Variants in UQCRB observed in about 807,000 individuals in gnomAD.
The protein encoded by UQCRB is ubiquinol-cytochrome c reductase binding protein.
A neutral mutation model predicts 19.8 loss-of-function variants in UQCRB; 12 were observed. The ratio of observed to expected loss-of-function variants is 0.61; its 90% CI spans 0.39 to 0.98. UQCRB has a LOEUF of 0.98. UQCRB is among the 50% of genes least tolerant of loss of function. The pLI, the probability that UQCRB is intolerant of heterozygous loss-of-function variation, is 0.00. For missense variants in UQCRB, 142 were observed against 131.8 expected (o/e 1.08, Z -0.38); for synonymous variants, 39 against 42.9 (o/e 0.91, Z 0.35).
chr8:96,231,515 C>G (rs1187015869), intron 3 of UQCRB: 17 of 1,527,604 alleles, frequency 1.1e-5, no homozygotes, highest in Non-Finnish European at 1.5e-5. Context: ...ACAGCAAAGA[C>G]CTGGGAGGCA....
intron 2 of UQCRB, chr8:96,232,142 T>C: frequency 6.7e-6 from 4 of 598,838 alleles, no homozygotes; most frequent in Non-Finnish European, 1.2e-5. Flanking sequence ...TTAAAAGTAA[T>C]GAGTTATTAC....
In UQCRB at chr8:96,229,179, A is replaced by G. The variant is rs750993505; in HGVS notation, c.*1876T>C. Reference sequence around the variant, plus strand: ...ATCTGGAAACATAGAATAGGCATACACTTTGGCTTTAGGAAGAACTCTTAC... The same window carrying G: ...ATCTGGAAACATAGAATAGGCATACGCTTTGGCTTTAGGAAGAACTCTTAC... On this transcript the variant is annotated 3_prime_UTR_variant, in exon 4 of 4. Coordinates refer to ENST00000287022, the MANE Select transcript of UQCRB (RefSeq NM_006294.5). 2 of 454,126 alleles carry G rather than the reference A, an allele frequency of 4.4e-6. No homozygotes were observed. Among genetic ancestry groups the G allele is most frequent in the South Asian group, 3.1e-5 (2 of 64,470 alleles). 28.1% of individuals were successfully genotyped at this position (454,126 alleles called of 1,614,324 possible).
At position 96,226,579 on chromosome 8, in the gene UQCRB, T is replaced by A. The variant is rs1258729978; in HGVS notation, c.*4476A>T. ...GACTCCTTTGTAAAACAAATAATTATCTTTTTTTGGTTTGGCTTGTGAATA... is the reference window on the plus strand; with the variant it reads ...GACTCCTTTGTAAAACAAATAATTAACTTTTTTTGGTTTGGCTTGTGAATA... On this transcript the variant is annotated 3_prime_UTR_variant, in exon 4 of 4. Coordinates refer to ENST00000287022, the MANE Select transcript of UQCRB (RefSeq NM_006294.5). 1 of 234,254 alleles carries A rather than the reference T, an allele frequency of 4.3e-6. No individual in the cohort carries two copies. Among genetic ancestry groups the A allele is most frequent in the Non-Finnish European group, 8.5e-6 (1 of 117,618 alleles). The allele number at this position is 234,254 out of a possible 1,614,324, so 14.5% of individuals were successfully genotyped here.
At chr8:96,235,462 T>G (rs1357447224) in intron 1 of UQCRB, 50 bp downstream of exon 1, 1 of 1,613,920 alleles carries the variant, frequency 6.2e-7, no homozygotes, top group East Asian at 2.2e-5. Flanking sequence ...GCAGCAAAAA[T>G]AAACGGTGAA....
chr8:96,231,181 C>T (rs1809663737), intron 3 of UQCRB, 49 bp from the exon 4 acceptor site: 2 of 1,613,926 alleles, frequency 1.2e-6, no homozygotes, highest in Non-Finnish European at 1.7e-6. Flanking sequence ...ACTGATATAT[C>T]CCAAACACTC....
chr8:96,226,038 T>C lies in UQCRB; in HGVS notation c.*5017A>G, dbSNP rs1255736001. The C allele has an allele frequency of 6.6e-6, 1 of 152,116 alleles. No individual in the cohort carries two copies. Among genetic ancestry groups the C allele is most frequent in the Non-Finnish European group, 1.5e-5 (1 of 68,018 alleles). 9.4% of individuals were successfully genotyped at this position (152,116 alleles called of 1,614,324 possible). A position where few individuals can be genotyped will look rare whatever the true frequency, so the allele number is the denominator to read the frequency against. ...GTGTAGAAGCCAGGATGCTGCTAAA[T>C]ATCCTGTAACACACAGAGGAGGCCC... On this transcript the variant is annotated 3_prime_UTR_variant, in exon 4 of 4. Transcript: ENST00000287022.
At chr8:96,234,541 C>A (rs1809755188) in intron 1 of UQCRB, 1 of 1,278,900 alleles carries the variant, frequency 7.8e-7, no homozygotes, top group Non-Finnish European at 1.0e-6. Flanking sequence ...CAATATCTGC[C>A]AAATTAATAA....
Position 96,223,444 on chromosome 8 carries a change from C to A in UQCRB, c.*7611G>T, listed in dbSNP as rs1809478531. On this transcript the variant is annotated 3_prime_UTR_variant, in exon 4 of 4. Transcript: ENST00000287022. ...ATTGTGCTCACCTTGGAAAAATTTT[C>A]AAGGAATAAATGAAACCTGAAATGG... Among the ~76,000 whole-genome samples, 1 of 152,106 alleles carries A rather than the reference C, an allele frequency of 6.6e-6. No homozygotes were observed. Among genetic ancestry groups the A allele is most frequent in the African/African-American group, 2.4e-5 (1 of 41,414 alleles).
At chr8:96,233,315 G>T in intron 1 of UQCRB, 88 bp from the exon 2 acceptor site, 1 of 1,155,314 alleles carries the variant, frequency 8.7e-7, no homozygotes, top group Non-Finnish European at 1.3e-6. Context: ...CAGTTATCTT[G>T]CTGATGAATG....
chr8:96,235,074 G>C, intron 1 of UQCRB: 1 of 282,032 alleles, frequency 3.5e-6, no homozygotes, highest in South Asian at 3.5e-5. Context: ...AGCGTAAAAG[G>C]GAAATTAATA....
At chr8:96,233,495 A>G (rs1809724968) in intron 1 of UQCRB, 2 of 434,082 alleles carry the variant, frequency 4.6e-6, no homozygotes, top group Non-Finnish European at 8.3e-6. Context: ...GCAAGTCATG[A>G]AAGAAAAGGG....
chr8:96,232,482 G>A (rs1049381053), intron 2 of UQCRB: 7 of 153,840 alleles, frequency 4.6e-5, no homozygotes, highest in African/African-American at 1.7e-4. Context: ...TTGCATGGAC[G>A]TGATAAAATT....
At chr8:96,234,838 CAA>C (rs4021437) in intron 1 of UQCRB, 702 of 111,606 alleles carry the variant, frequency 6.3e-3, no homozygotes, top group South Asian at 0.022. Context: ...CAGAGATTAG[CAA>C]AAAAAAAAAA....
rs1472509958 is a variant in UQCRB at position 96,235,488 on chromosome 8, C to T, written c.19+24G>A. 6 of 1,614,098 alleles carry T rather than the reference C, an allele frequency of 3.7e-6. No homozygotes were observed. In the East Asian group the frequency reaches 1.3e-4, roughly 36 times the overall value. On this transcript the variant is annotated intron_variant, in intron 1 of 3. Transcript: ENST00000287022. ...AAACGGTGAAGCGCGACGATGCCGG[C>T]CAAGAAGACCCCCAGTTACTTACCG... is the stretch of plus-strand genomic sequence containing the variant.
Position 96,223,128 on chromosome 8 carries a change from A to ATAAT in UQCRB, c.*7923_*7926dup, listed in dbSNP as rs59216305. On this transcript the variant is annotated 3_prime_UTR_variant, in exon 4 of 4. Transcript: ENST00000287022. ...AGATTTCATGTACAGCATGGTGACT[A>ATAAT]TAATTATATTGTACACTAAAAATTT... Among the ~76,000 whole-genome samples the ATAAT allele has an allele frequency of 0.53, 80,141 of 151,418 alleles. 21,779 individuals carry two copies. The highest frequency in any genetic ancestry group is 0.65 in the African/African-American group (26,643 of 41,248).
chr8:96,235,443 G>A (rs568141643), intron 1 of UQCRB, 69 bp downstream of exon 1: 2 of 1,610,714 alleles, frequency 1.2e-6, no homozygotes, highest in East Asian at 2.2e-5. Flanking sequence ...AGAGAAAACG[G>A]AGCAAGCTGC....
chr8:96,224,602 G>A lies in UQCRB; in HGVS notation c.*6453C>T, dbSNP rs978041672. ...AGGCTGCATCACCCTCAACAGACCC[G>A]TGTTTGTGGAGCCCCTCCGGACCTC... On this transcript the variant is annotated 3_prime_UTR_variant, in exon 4 of 4. Transcript: ENST00000287022. Among the ~76,000 whole-genome samples the A allele has an allele frequency of 2.6e-5, 4 of 152,130 alleles. No individual in the cohort carries two copies. The highest frequency in any genetic ancestry group is 4.8e-5 in the African/African-American group (2 of 41,430).
At position 96,235,429 on chromosome 8, in the gene UQCRB, G is replaced by A. The variant is rs1809787536; in HGVS notation, c.19+83C>T. On this transcript the variant is annotated intron_variant, in intron 1 of 3. Transcript: ENST00000287022. Reference sequence around the variant, plus strand: ...CGCGACAAACTTGGCCACTTACAAAGAAGAGAGAAAACGGAGCAAGCTGCA... The same window carrying A: ...CGCGACAAACTTGGCCACTTACAAAAAAGAGAGAAAACGGAGCAAGCTGCA... The A allele has an allele frequency of 2.5e-6, 4 of 1,597,166 alleles. No individual in the cohort carries two copies. The Admixed American group carries it at 6.7e-5, about 27-fold the overall frequency.
chr8:96,232,971 A>T (rs1213793483), intron 2 of UQCRB, 185 bp downstream of exon 2: 1 of 599,920 alleles, frequency 1.7e-6, no homozygotes, highest in East Asian at 2.8e-5. Flanking sequence ...TCTCAAAAAA[A>T]CTTTAAAAAG....
Sources: allele counts gnomAD v4.1 joint callset (sites outside exome capture counted in the v4.1 genomes callset), GRCh38; gene constraint gnomAD v4.1.1; transcripts MANE v1.5; gene names NCBI Gene and HGNC (gene_info 2026-07-23, HGNC 2026-07-21).